DTNA: variants seen among roughly 807,000 people sequenced by gnomAD.
DTNA encodes the protein dystrophin-related protein 3.
DTNA carries 43 observed loss-of-function variants against 100.7 expected under a neutral mutation model. That is an observed-to-expected ratio of 0.43 (90% confidence interval 0.33 to 0.55). DTNA has a LOEUF of 0.55. Ranked by LOEUF, DTNA falls within the 20% of genes least tolerant of loss-of-function variation. The pLI, the probability that DTNA is intolerant of heterozygous loss-of-function variation, is 0.04. For synonymous variants in DTNA, 349 were observed against 347.9 expected (o/e 1.00, Z -0.04); for missense variants, 798 against 953.9 (o/e 0.84, Z 2.15).
intron 15 of DTNA, among the ~76,000 whole-genome samples, chr18:34,852,207 T>A (rs2096489941): frequency 6.6e-6 from 1 of 152,088 alleles, no homozygotes; most frequent in Non-Finnish European, 1.5e-5. Context: ...TTTTCTGAGA[T>A]ACTTAATTTT....
At chr18:34,747,102 A>G (rs944483607) in intron 1 of DTNA, among the ~76,000 whole-genome samples, 1 of 41,806 alleles carries the variant, frequency 2.4e-5, no homozygotes, top group Admixed American at 3.5e-4. Flanking sequence ...CTATATCTGT[A>G]TCTATATATA....
At chr18:34,629,499 T>C (rs1001863942) in intron 1 of DTNA, among the ~76,000 whole-genome samples, 2 of 152,194 alleles carry the variant, frequency 1.3e-5, no homozygotes, top group African/African-American at 4.8e-5. Flanking sequence ...GCTCGGAAGA[T>C]ATCTAGAAGT....
rs369285471 is a variant in DTNA at position 34,555,644 on chromosome 18, G to A, written c.-2+62130G>A. ...TCATTTCGTTATGTATCCAGTAGTC[G>A]TTCAGGAGCAGGTTGTTCAGTTTCC... On this transcript the variant is annotated intron_variant, in intron 1 of 19. Coordinates refer to the DTNA transcript ENST00000283365. Among the ~76,000 whole-genome samples the A allele has an allele frequency of 6.0e-4, 91 of 152,102 alleles. 1 individual carries two copies. The highest frequency in any genetic ancestry group is 5.2e-3 in the East Asian group (27 of 5,176).
At chr18:34,722,592 C>CAT (rs928763688) in intron 1 of DTNA, among the ~76,000 whole-genome samples, 70 of 149,842 alleles carry the variant, frequency 4.7e-4, no homozygotes, top group Middle Eastern at 6.8e-3. Flanking sequence ...TAGGTTTTGA[C>CAT]ATATATATAT....
Position 34,579,753 on chromosome 18 carries a change from T to G in DTNA, c.-2+86239T>G, listed in dbSNP as rs374970901. Reference sequence around the variant, plus strand: ...TTTAATCACAAAATGCCTCAACGTGTTGTTGGTGGTGGTGGAGTTTGTTTT... The same window carrying G: ...TTTAATCACAAAATGCCTCAACGTGGTGTTGGTGGTGGTGGAGTTTGTTTT... On this transcript the variant is annotated intron_variant, in intron 1 of 19. Transcript: ENST00000283365. Among the ~76,000 whole-genome samples the G allele has an allele frequency of 2.6e-5, 4 of 152,200 alleles. No homozygotes were observed. The East Asian group carries it at 5.8e-4, about 22-fold the overall frequency.
chr18:34,880,625 A>G (rs2096863343), intron 20 of DTNA, among the ~76,000 whole-genome samples: 2 of 152,160 alleles, frequency 1.3e-5, no homozygotes, highest in African/African-American at 4.8e-5. Context: ...CATTTTAAAG[A>G]CTCAGAGAAG....
intron 2 of DTNA, among the ~76,000 whole-genome samples, chr18:34,763,946 G>C (rs1271185164): frequency 6.6e-6 from 1 of 152,136 alleles, no homozygotes; most frequent in Non-Finnish European, 1.5e-5. Flanking sequence ...GACAAGGACT[G>C]TTGCACATAA....
intron 1 of DTNA, among the ~76,000 whole-genome samples, chr18:34,693,255 T>G (rs1355509608): frequency 2.0e-5 from 3 of 152,174 alleles, no homozygotes; most frequent in Admixed American, 2.0e-4. Flanking sequence ...TAAATAAAGT[T>G]TAATTATTTC....
intron 1 of DTNA, among the ~76,000 whole-genome samples, chr18:34,665,835 G>T (rs1238607487): frequency 1.3e-5 from 2 of 152,132 alleles, no homozygotes; most frequent in African/African-American, 4.8e-5. Context: ...TTGGACATTT[G>T]GGTTGGTTCC....
chr18:34,735,154 G>A (rs752935760), intron 1 of DTNA, among the ~76,000 whole-genome samples: 1 of 152,092 alleles, frequency 6.6e-6, no homozygotes, highest in Non-Finnish European at 1.5e-5. Flanking sequence ...CATGGAGTCC[G>A]ATGTTTGAGA....
chr18:34,498,390 G>A (rs933065895), intron 1 of DTNA, among the ~76,000 whole-genome samples: 3 of 150,642 alleles, frequency 2.0e-5, no homozygotes, highest in South Asian at 2.1e-4. Context: ...CCGAGATCGC[G>A]CCACTGTGCT....
chr18:34,666,295 G>C (rs1266648215), intron 1 of DTNA, among the ~76,000 whole-genome samples: 15 of 150,610 alleles, frequency 1.0e-4, no homozygotes, highest in African/African-American at 3.7e-4. Context: ...AAATTTGTTT[G>C]AGTTCTTTAT....
intron 1 of DTNA, among the ~76,000 whole-genome samples, chr18:34,519,213 C>T (rs916136056): frequency 1.1e-4 from 17 of 151,982 alleles, no homozygotes; most frequent in Non-Finnish European, 1.6e-4. Flanking sequence ...AATTGTTTTC[C>T]GATATGAAGC....
At position 34,851,859 on chromosome 18, in the gene DTNA, A is replaced by G. The variant is rs774001402; in HGVS notation, c.1463A>G (p.Asp488Gly). ...SQPPQQRSAP[D>G]ISFTIDANKQ... ...CCACCTCAGCAGAGAAGTGCTCCTG[A>G]CATCTCTTTCACCATCGATGCGAAT... is the stretch of plus-strand genomic sequence containing the variant. Residue 488 changes from aspartate to glycine, a missense_variant, in exon 15 of 23, where the codon GAC (aspartate) becomes GGC (glycine). Physicochemically the swap from Asp to Gly is moderately conservative, Grantham distance 94. This residue lies in a region of DTNA where 159 missense variants were observed against 201.2 expected (regional missense o/e 0.79). Coordinates refer to ENST00000444659, the MANE Select transcript of DTNA (RefSeq NM_001386795.1). The G allele has an allele frequency of 1.9e-6, 3 of 1,614,096 alleles. No homozygotes were observed. The highest frequency in any genetic ancestry group is 2.2e-5 in the East Asian group (1 of 44,886).
chr18:34,815,239 T>G (rs2095570489), intron 6 of DTNA, among the ~76,000 whole-genome samples: 1 of 152,168 alleles, frequency 6.6e-6, no homozygotes, highest in African/African-American at 2.4e-5. Flanking sequence ...TGTATTAATA[T>G]AGCTTTCTTA....
chr18:34,831,510 G>GCCAGCCACC (rs1170765488), intron 11 of DTNA, among the ~76,000 whole-genome samples: 1 of 152,214 alleles, frequency 6.6e-6, no homozygotes, highest in East Asian at 1.9e-4. Context: ...GCTCACGCCT[G>GCCAGCCACC]TAATCCCAGC....
intron 1 of DTNA, among the ~76,000 whole-genome samples, chr18:34,739,242 A>G (rs2090189265): frequency 6.6e-6 from 1 of 152,174 alleles, no homozygotes; most frequent in African/African-American, 2.4e-5. Flanking sequence ...AAAAACTTAA[A>G]ATAATTATCA....
At chr18:34,650,659 T>C (rs772536377) in intron 1 of DTNA, among the ~76,000 whole-genome samples, 33 of 152,264 alleles carry the variant, frequency 2.2e-4, no homozygotes, top group Non-Finnish European at 3.8e-4. Context: ...ACAGACACTA[T>C]ACTAGGCCCA....
intron 1 of DTNA, among the ~76,000 whole-genome samples, chr18:34,600,446 G>C (rs965624840): frequency 2.0e-5 from 3 of 152,130 alleles, no homozygotes; most frequent in Non-Finnish European, 4.4e-5. Flanking sequence ...CCTATATAGT[G>C]TGATAGTTCA....
Sources: gnomAD v4.1 joint callset for allele counts (sites outside exome capture counted in the v4.1 genomes callset) on GRCh38, gnomAD v4.1.1 for gene constraint, gnomAD v4.1.1 regional missense constraint, MANE v1.5 for transcripts, NCBI Gene and HGNC (gene_info 2026-07-23, HGNC 2026-07-21) for gene names.